ULK4: variants seen among roughly 807,000 people sequenced by gnomAD.
ULK4 encodes the protein unc-51 like kinase 4.
Under a neutral mutation model 160.6 loss-of-function variants are expected in ULK4, and 133 were observed. The observed-to-expected ratio is 0.83, with a 90% confidence interval of 0.72 to 0.96. The LOEUF (loss-of-function observed/expected upper bound fraction) is 0.96. ULK4 is among the 40% of genes least tolerant of loss of function. The probability of loss-of-function intolerance (pLI) is 0.00; values close to 1 mark genes in which losing one functional copy is unlikely to be tolerated. For synonymous variants in ULK4, 534 were observed against 539.8 expected, an observed-to-expected ratio of 0.99 and a Z score of 0.15; for missense variants, 1,580 against 1,499.5, an observed-to-expected ratio of 1.05 and a Z score of -0.89.
At chr3:41,272,248 G>T (rs986081262) in intron 35 of ULK4, among the ~76,000 whole-genome samples, 1 of 151,408 alleles carries the variant, frequency 6.6e-6, no homozygotes, top group Non-Finnish European at 1.5e-5. Flanking sequence ...TTTTCCTTCT[G>T]CCTGAAGGGC....
chr3:41,895,428 T>C, intron 16 of ULK4, 90 bp downstream of exon 16: 1 of 682,510 alleles, frequency 1.5e-6, no homozygotes. Context: ...TTATGATAAT[T>C]ATTTAGGACT....
chr3:41,370,639 C>T (rs2081345594), intron 35 of ULK4, among the ~76,000 whole-genome samples: 1 of 152,326 alleles, frequency 6.6e-6, no homozygotes, highest in Non-Finnish European at 1.5e-5. Flanking sequence ...AGATACTATG[C>T]TTTCCCCATG....
At chr3:41,448,664 T>G (rs2083359164) in intron 34 of ULK4, among the ~76,000 whole-genome samples, 1 of 152,056 alleles carries the variant, frequency 6.6e-6, no homozygotes, top group African/African-American at 2.4e-5. Context: ...AGGATGGTGG[T>G]GACCTTCATG....
rs544261144 is a variant in ULK4 at position 41,310,985 on chromosome 3, C to G, written c.3679-61411G>C. On this transcript the variant is annotated intron_variant, in intron 35 of 36. Coordinates refer to ENST00000301831, the MANE Select transcript of ULK4 (RefSeq NM_017886.4). ...TCCAGCCTGGGCAACAGAGGGAGAC[C>G]TCGTCTCAAAAAAAAATAATAATAA... Among the ~76,000 whole-genome samples the G allele has an allele frequency of 7.3e-5, 11 of 150,352 alleles. No homozygotes were observed. In the South Asian group the frequency reaches 1.9e-3, roughly 26 times the overall value.
intron 22 of ULK4, among the ~76,000 whole-genome samples, chr3:41,726,099 A>G (rs933825234): frequency 6.6e-5 from 10 of 152,264 alleles, no homozygotes; most frequent in African/African-American, 1.9e-4. Flanking sequence ...ATTTTTCTCT[A>G]AAGTTTAAAT....
At chr3:41,833,284 T>G (rs1219415704) in intron 18 of ULK4, among the ~76,000 whole-genome samples, 1 of 137,546 alleles carries the variant, frequency 7.3e-6, no homozygotes, top group Admixed American at 7.1e-5. Flanking sequence ...GTTTTTTTTT[T>G]TGTTTTTTTT....
chr3:41,310,987 C>T (rs1188430350), intron 35 of ULK4, among the ~76,000 whole-genome samples: 4 of 148,606 alleles, frequency 2.7e-5, no homozygotes, highest in South Asian at 4.3e-4. Flanking sequence ...AGGGAGACCT[C>T]GTCTCAAAAA....
intron 17 of ULK4, among the ~76,000 whole-genome samples, chr3:41,861,927 T>G (rs1176472884): frequency 6.6e-6 from 1 of 152,096 alleles, no homozygotes; most frequent in African/African-American, 2.4e-5. Flanking sequence ...ACTCAAGTGA[T>G]CCTCCCACCA....
At chr3:41,853,035 T>G (rs750443572) in intron 17 of ULK4, among the ~76,000 whole-genome samples, 1 of 152,210 alleles carries the variant, frequency 6.6e-6, no homozygotes, top group African/African-American at 2.4e-5. Context: ...TCTGCTAGGC[T>G]GGAAAACTGA....
intron 32 of ULK4, among the ~76,000 whole-genome samples, chr3:41,481,219 TAA>T (rs1490674225): frequency 4.6e-5 from 7 of 152,306 alleles, no homozygotes; most frequent in Admixed American, 3.9e-4. Context: ...CAGCTATGTA[TAA>T]GAGACATATT....
chr3:41,356,740 A>C (rs1316460186), intron 35 of ULK4, among the ~76,000 whole-genome samples: 2 of 152,194 alleles, frequency 1.3e-5, no homozygotes, highest in African/African-American at 2.4e-5. Context: ...TTCACAGGGA[A>C]GACAGAATCA....
intron 19 of ULK4, among the ~76,000 whole-genome samples, chr3:41,817,726 C>T (rs2041018410): frequency 1.3e-5 from 2 of 152,060 alleles, no homozygotes; most frequent in Non-Finnish European, 2.9e-5. Flanking sequence ...ACAGCATATA[C>T]CCATGTAACA....
intron 34 of ULK4, among the ~76,000 whole-genome samples, chr3:41,452,844 TA>T (rs2083452420): frequency 6.6e-6 from 1 of 152,116 alleles, no homozygotes; most frequent in African/African-American, 2.4e-5. Flanking sequence ...CTCCAAAACT[TA>T]AAAACAGCCA....
chr3:41,384,136 C>T (rs2081741376), intron 35 of ULK4, among the ~76,000 whole-genome samples: 1 of 152,066 alleles, frequency 6.6e-6, no homozygotes, highest in African/African-American at 2.4e-5. Context: ...TTAAACTTAG[C>T]ATCACTAAAA....
intron 35 of ULK4, among the ~76,000 whole-genome samples, chr3:41,301,956 A>C (rs1284434962): frequency 2.0e-5 from 3 of 152,228 alleles, no homozygotes; most frequent in African/African-American, 4.8e-5. Context: ...AGAGGTCCAG[A>C]CCTAACTGAT....
At chr3:41,823,175 G>A (rs2041207518) in intron 18 of ULK4, among the ~76,000 whole-genome samples, 1 of 152,174 alleles carries the variant, frequency 6.6e-6, no homozygotes, top group Non-Finnish European at 1.5e-5. Context: ...CTTTCTGAAG[G>A]GATTTTTGAG....
chr3:41,357,913 A>T (rs2081059049), intron 35 of ULK4, among the ~76,000 whole-genome samples: 1 of 152,220 alleles, frequency 6.6e-6, no homozygotes, highest in Non-Finnish European at 1.5e-5. Context: ...TACAGAAATA[A>T]CTCATCTGGT....
At chr3:41,728,805 T>A (rs112833748) in intron 22 of ULK4, among the ~76,000 whole-genome samples, 1 of 152,066 alleles carries the variant, frequency 6.6e-6, no homozygotes, top group Non-Finnish European at 1.5e-5. Context: ...ATTTCTATTA[T>A]AAATAAAACA....
chr3:41,371,231 A>C lies in ULK4; in HGVS notation c.3678+26848T>G, dbSNP rs146776340. Among the ~76,000 whole-genome samples the C allele has an allele frequency of 5.6e-3, 852 of 152,288 alleles. 7 individuals carry two copies. The highest frequency in any genetic ancestry group is 0.019 in the African/African-American group (782 of 41,554). On this transcript the variant is annotated intron_variant, in intron 35 of 36. Transcript: ENST00000301831. ...CTGTGGGCACAGCTTCAGCAGACTT[A>C]AATGTTCCTGCTTGCTGGGTCTGAA...
Sources: allele counts gnomAD v4.1 joint callset (sites outside exome capture counted in the v4.1 genomes callset), GRCh38; gene constraint gnomAD v4.1.1; transcripts MANE v1.5; gene names NCBI Gene and HGNC (gene_info 2026-07-23, HGNC 2026-07-21).